Variants in ATP10B observed in about 807,000 individuals in gnomAD.
ATP10B encodes ATPase phospholipid transporting 10B (putative), also known as phospholipid-transporting ATPase VB.
ATP10B carries 122 observed loss-of-function variants against 141.2 expected under a neutral mutation model. That is an observed-to-expected ratio of 0.86 (90% CI 0.75 to 1.00). The LOEUF (loss-of-function observed/expected upper bound fraction) is 1.00, where lower values mean the gene tolerates loss of function less well. ATP10B is among the 50% of genes least tolerant of loss of function. ATP10B has a pLI of 0.00. For missense variants in ATP10B, 1,876 were observed against 1,825.3 expected, an observed-to-expected ratio of 1.03 and a Z score of -0.51; for synonymous variants, 685 against 692.0, an observed-to-expected ratio of 0.99 and a Z score of 0.16.
the ATP10B span, among the ~76,000 whole-genome samples, chr5:160,885,142 G>A: frequency 9.2e-5 from 14 of 152,196 alleles, no homozygotes; most frequent in African/African-American, 3.4e-4. Flanking sequence ...AAAGGGAGGT[G>A]ATTAATCAGT....
intron 1 of ATP10B, among the ~76,000 whole-genome samples, chr5:160,825,302 G>T (rs558770380): frequency 6.6e-6 from 1 of 152,306 alleles, no homozygotes; most frequent in Non-Finnish European, 1.5e-5. Flanking sequence ...CCTTCATGTT[G>T]TGGGAGAAAT....
chr5:160,806,090 T>C (rs1268888170), intron 1 of ATP10B, among the ~76,000 whole-genome samples: 1 of 152,154 alleles, frequency 6.6e-6, no homozygotes, highest in Non-Finnish European at 1.5e-5. Context: ...CCTCAACAGA[T>C]TGTATAAAGC....
chr5:160,892,610 C>A, the ATP10B span, among the ~76,000 whole-genome samples: 1 of 152,174 alleles, frequency 6.6e-6, no homozygotes. Context: ...ACACAAAGAA[C>A]CTTCTACAAA....
chr5:160,659,321 C>T (rs879539817), intron 7 of ATP10B, among the ~76,000 whole-genome samples: 16 of 151,734 alleles, frequency 1.1e-4, no homozygotes, highest in Admixed American at 5.3e-4. Context: ...AAAAATTAGC[C>T]GGGTATGGTA....
At chr5:160,666,904 T>C (rs1232347729) in intron 7 of ATP10B, among the ~76,000 whole-genome samples, 2 of 152,114 alleles carry the variant, frequency 1.3e-5, no homozygotes, top group Non-Finnish European at 2.9e-5. Context: ...GCCAGGGAGA[T>C]GAAGTACTGA....
At chr5:160,729,146 G>A (rs1205171074) in intron 2 of ATP10B, among the ~76,000 whole-genome samples, 1 of 152,032 alleles carries the variant, frequency 6.6e-6, no homozygotes. Flanking sequence ...TAGGGCTTCA[G>A]ATTTTCTGGG....
At chr5:160,797,251 C>G (rs968223167) in intron 1 of ATP10B, among the ~76,000 whole-genome samples, 4 of 152,168 alleles carry the variant, frequency 2.6e-5, no homozygotes, top group Admixed American at 1.3e-4. Context: ...CCCACAGATA[C>G]AGCAAGGGCC....
intron 7 of ATP10B, among the ~76,000 whole-genome samples, chr5:160,667,407 G>A (rs1762389790): frequency 6.6e-6 from 1 of 151,954 alleles, no homozygotes; most frequent in Non-Finnish European, 1.5e-5. Context: ...GTTGTTTTGA[G>A]GATAGACGAG....
the ATP10B span, among the ~76,000 whole-genome samples, chr5:160,861,930 A>G: frequency 1.3e-5 from 2 of 152,026 alleles, no homozygotes; most frequent in Admixed American, 1.3e-4. Context: ...TATATTTTCC[A>G]AAACAAAAAA....
chr5:160,848,332 A>G (rs1280841927), intron 1 of ATP10B, among the ~76,000 whole-genome samples: 7 of 152,202 alleles, frequency 4.6e-5, no homozygotes, highest in Admixed American at 2.6e-4. Context: ...AAGTTCTTAT[A>G]CCATTTCTAT....
At chr5:160,838,572 T>C (rs749227095) in intron 1 of ATP10B, among the ~76,000 whole-genome samples, 13 of 152,206 alleles carry the variant, frequency 8.5e-5, no homozygotes, top group Non-Finnish European at 1.9e-4. Context: ...AAAGGACCCA[T>C]TCAAATATTT....
At chr5:160,728,808 T>C (rs1766538724) in intron 2 of ATP10B, among the ~76,000 whole-genome samples, 1 of 131,500 alleles carries the variant, frequency 7.6e-6, no homozygotes, top group African/African-American at 2.8e-5. Context: ...GCTGCTTTAT[T>C]CTCTCAGAAT....
chr5:160,868,346 C>A, the ATP10B span, among the ~76,000 whole-genome samples: 1 of 152,220 alleles, frequency 6.6e-6, no homozygotes, highest in African/African-American at 2.4e-5. Flanking sequence ...TTCTCTCTCA[C>A]TTAATGACCA....
At chr5:160,898,991 CAG>C in the ATP10B span, among the ~76,000 whole-genome samples, 4 of 92,334 alleles carry the variant, frequency 4.3e-5, no homozygotes, top group Non-Finnish European at 6.3e-5. Context: ...TGGGGCCTGT[CAG>C]GGGGTGGGGG....
At chr5:160,778,187 T>C (rs6884713) in intron 2 of ATP10B, among the ~76,000 whole-genome samples, 24,415 of 152,212 alleles carry the variant, frequency 0.16, 2,205 homozygotes, top group African/African-American at 0.24. Context: ...ACATAAATAA[T>C]TTTAAAGCCA....
the ATP10B span, among the ~76,000 whole-genome samples, chr5:160,898,550 G>C: frequency 6.6e-6 from 1 of 152,184 alleles, no homozygotes; most frequent in Admixed American, 6.5e-5. Context: ...GTTGGTGAGA[G>C]TGTAAATTAG....
rs1756916851 is a variant in ATP10B at position 160,598,909 on chromosome 5, A to G, written c.3425T>C (p.Ile1142Thr). Residue 1142 changes from isoleucine to threonine, a missense_variant, in exon 22 of 26, where the codon ATT (isoleucine) becomes ACT (threonine). Physicochemically the swap from Ile to Thr is moderately conservative, Grantham distance 89. Coordinates refer to ENST00000327245, the MANE Select transcript of ATP10B (RefSeq NM_025153.3). ...GAAGAATATCATCTGCCAGTAATCA[A>G]TCATGGTGGAGCTGGAGAAACCACA... ...FFCGFSSSTM[I>T]DYWQMIFFNL... The G allele has an allele frequency of 1.9e-6, 3 of 1,614,076 alleles. No homozygotes were observed. The highest frequency in any genetic ancestry group is 1.3e-5 in the African/African-American group (1 of 74,950).
chr5:160,693,937 G>C (rs2127753439), intron 3 of ATP10B, among the ~76,000 whole-genome samples: 1 of 152,332 alleles, frequency 6.6e-6, no homozygotes, highest in Non-Finnish European at 1.5e-5. Context: ...GGGGACTCCT[G>C]GTGTAGAGTA....
At chr5:160,819,898 T>C (rs1773969658) in intron 1 of ATP10B, among the ~76,000 whole-genome samples, 1 of 152,058 alleles carries the variant, frequency 6.6e-6, no homozygotes, top group Middle Eastern at 3.2e-3. Context: ...ATTTTATGGC[T>C]ATAAGTTCCT....
Sources: gnomAD v4.1 joint callset for allele counts (sites outside exome capture counted in the v4.1 genomes callset) on GRCh38, gnomAD v4.1.1 for gene constraint, MANE v1.5 for transcripts, NCBI Gene and HGNC (gene_info 2026-07-23, HGNC 2026-07-21) for gene names.